The following COL11A1 variants were observed in gnomAD, a reference collection of about 807,000 sequenced individuals.
COL11A1 encodes the protein collagen type XI alpha 1 chain, also known as collagen alpha-1(XI) chain.
Under a neutral mutation model 265.2 loss-of-function variants are expected in COL11A1, and 74 were observed. That is an observed-to-expected ratio of 0.28 (90% confidence interval 0.23 to 0.34). The LOEUF is 0.34. Ranked by LOEUF, COL11A1 falls within the 10% of genes least tolerant of loss-of-function variation. The pLI, the probability that COL11A1 is intolerant of heterozygous loss-of-function variation, is 1.00. For missense variants in COL11A1, 2,165 were observed against 2,263.6 expected (o/e 0.96, Z 0.88); for synonymous variants, 816 against 727.6 (o/e 1.12, Z -1.96).
At position 102,969,071 on chromosome 1, in the gene COL11A1, CTCATACAGAT is replaced by C. The variant is rs1268653177; in HGVS notation, c.2862+1138_2862+1147del. Among the ~76,000 whole-genome samples, 49 of 152,254 alleles carry C rather than the reference CTCATACAGAT, an allele frequency of 3.2e-4. No homozygotes were observed. The South Asian group carries it at 4.6e-3, about 14-fold the overall frequency. The stretch of plus-strand genomic sequence containing the variant: ...TCCTTTAGAAAGTTTATTTCTGCTC[CTCATACAGAT>C]ATCTTTCCCAAGAGGATATCCAAAC... On this transcript the variant is annotated intron_variant, in intron 37 of 66. Coordinates refer to ENST00000370096, the MANE Select transcript of COL11A1 (RefSeq NM_001854.4).
Position 103,003,299 on chromosome 1 carries a change from TAA to T in COL11A1, c.1945-33_1945-32del, listed in dbSNP as rs370445089. On this transcript the variant is annotated intron_variant, in intron 20 of 66. Transcript: ENST00000370096. Reference sequence around the variant, plus strand: ...AGAAAAAGAAAAAGCACGCCTTTATTAAAAAAAAAAAATGTCCTAATAACATG... The same window carrying T: ...AGAAAAAGAAAAAGCACGCCTTTATTAAAAAAAAAATGTCCTAATAACATG... The T allele has an allele frequency of 0.058, 80,218 of 1,394,270 alleles. 1,988 individuals carry two copies. Among genetic ancestry groups the T allele is most frequent in the Middle Eastern group, 0.071 (381 of 5,386 alleles). The allele number at this position is 1,394,270 out of a possible 1,614,324, so 86.4% of individuals were successfully genotyped here. A position where few individuals can be genotyped will look rare whatever the true frequency, so the allele number is the denominator to read the frequency against.
At chr1:103,029,481 G>A (rs940046147) in intron 5 of COL11A1, among the ~76,000 whole-genome samples, 2 of 151,860 alleles carry the variant, frequency 1.3e-5, no homozygotes, top group African/African-American at 2.4e-5. Context: ...TTTGATGCTG[G>A]TATAGATGCT....
At chr1:103,026,416 A>AC in intron 5 of COL11A1, 84 bp from the exon 6 acceptor site, 3 of 876,896 alleles carry the variant, frequency 3.4e-6, no homozygotes, top group Non-Finnish European at 5.9e-6. Context: ...TAACTTTTAC[A>AC]TAGTGTAAAT....
At chr1:102,878,620 C>T (rs1649838674) in intron 66 of COL11A1, among the ~76,000 whole-genome samples, 1 of 150,066 alleles carries the variant, frequency 6.7e-6, no homozygotes, top group Non-Finnish European at 1.5e-5. Context: ...AAGCCATTCT[C>T]CTGCCTCAGT....
At chr1:102,970,359 CT>C (rs1661846171) in intron 36 of COL11A1, 87 bp from the exon 37 acceptor site, 4 of 1,041,466 alleles carry the variant, frequency 3.8e-6, no homozygotes, top group Non-Finnish European at 4.3e-6. Flanking sequence ...ATTTTCTTTT[CT>C]TTTTATATTT....
At position 102,881,751 on chromosome 1, in the gene COL11A1, T is replaced by A. The variant is rs780298913; in HGVS notation, c.4986A>T (p.Ser1662=). 3.6e-5 allele frequency: 58 copies of A among 1,611,922 alleles called. 2 individuals carry two copies. In the South Asian group the frequency reaches 6.4e-4, roughly 18 times the overall value. Residue 1662 remains serine (S), a synonymous_variant, in exon 65 of 67, where the codon TCA becomes TCT. Coordinates refer to ENST00000370096, the MANE Select transcript of COL11A1 (RefSeq NM_001854.4). ...DKKSEGVRIS[S]WPKEKPGSWF... ...AACTTCCTGGTTTCTCCTTTGGCCA[T>A]GATGAAATTCTTACCTGTTGCAAAG...
intron 29 of COL11A1, among the ~76,000 whole-genome samples, chr1:102,988,629 A>C (rs2101744922): frequency 7.6e-6 from 1 of 131,166 alleles, no homozygotes; most frequent in East Asian, 1.9e-4. Context: ...TGACTTAATC[A>C]ATCTTTTCAT....
At chr1:103,038,917 C>T (rs920309653) in intron 4 of COL11A1, among the ~76,000 whole-genome samples, 3 of 151,974 alleles carry the variant, frequency 2.0e-5, no homozygotes, top group African/African-American at 4.8e-5. Flanking sequence ...TGGAGTGAGA[C>T]GAGAATGATA....
intron 4 of COL11A1, among the ~76,000 whole-genome samples, chr1:103,068,491 A>G (rs766946731): frequency 9.9e-5 from 15 of 151,672 alleles, no homozygotes; most frequent in Admixed American, 3.3e-4. Flanking sequence ...CCAACATCAT[A>G]CTTAATGCTG....
chr1:103,012,874 A>G (rs1307556638), intron 13 of COL11A1, among the ~76,000 whole-genome samples: 2 of 152,172 alleles, frequency 1.3e-5, no homozygotes, highest in Non-Finnish European at 2.9e-5. Context: ...TTTAGGAAAA[A>G]TTATGATAAC....
intron 36 of COL11A1, among the ~76,000 whole-genome samples, chr1:102,972,094 A>G (rs1662028815): frequency 6.6e-6 from 1 of 152,198 alleles, no homozygotes; most frequent in Non-Finnish European, 1.5e-5. Context: ...AAAATAGCAA[A>G]TAAAACAATT....
In COL11A1 at chr1:103,108,401, C is replaced by T. The variant is rs915910938; in HGVS notation, c.-223G>A. ...TGAGTTGGCCCCACCGGCCGGGACC[C>T]TCCGGCCGCGACCCTCTGATCCTTC... On this transcript the variant is annotated 5_prime_UTR_variant, in exon 1 of 67. Transcript: ENST00000370096. The T allele has an allele frequency of 8.2e-6, 5 of 612,604 alleles. No homozygotes were observed. Among genetic ancestry groups the T allele is most frequent in the Admixed American group, 2.8e-5 (1 of 36,320 alleles). 37.9% of individuals were successfully genotyped at this position (612,604 alleles called of 1,614,324 possible).
intron 46 of COL11A1, among the ~76,000 whole-genome samples, chr1:102,931,214 T>C (rs1362186568): frequency 6.7e-5 from 10 of 150,242 alleles, no homozygotes; most frequent in Non-Finnish European, 1.5e-4. Context: ...TTTCCTGCTT[T>C]CTCTTGTGGG....
intron 11 of COL11A1, 71 bp downstream of exon 11, chr1:103,017,749 T>A: frequency 6.9e-6 from 9 of 1,309,744 alleles, no homozygotes; most frequent in Non-Finnish European, 1.0e-5. Context: ...GTTATACTTG[T>A]AGAATACATT....
intron 18 of COL11A1, among the ~76,000 whole-genome samples, chr1:103,005,290 T>C (rs1003063923): frequency 6.6e-6 from 1 of 152,158 alleles, no homozygotes; most frequent in Admixed American, 6.5e-5. Flanking sequence ...TTCTGAGAGA[T>C]TGTCTGCATA....
rs184850593 is a variant in COL11A1 at position 103,041,726 on chromosome 1, G to C, written c.652-10482C>G. On this transcript the variant is annotated intron_variant, in intron 4 of 66. Transcript: ENST00000370096. ...ATTCTGAAACAAAAATTATGTTTTG[G>C]TGTCAAATGTGAAAACCTGTTTCCT... Among the ~76,000 whole-genome samples the C allele has an allele frequency of 6.0e-4, 91 of 151,824 alleles. 1 individual carries two copies. The highest frequency in any genetic ancestry group is 1.2e-3 in the Non-Finnish European group (81 of 67,872).
chr1:103,010,567 A>G (rs1164515304), intron 14 of COL11A1, among the ~76,000 whole-genome samples: 7 of 152,180 alleles, frequency 4.6e-5, no homozygotes. Context: ...AGAACTGCTA[A>G]TATAATGTGC....
chr1:102,971,857 T>C (rs1662008535), intron 36 of COL11A1, among the ~76,000 whole-genome samples: 1 of 151,686 alleles, frequency 6.6e-6, no homozygotes, highest in South Asian at 2.1e-4. Context: ...ACTACTGCCA[T>C]CCTCTTCTTC....
intron 4 of COL11A1, among the ~76,000 whole-genome samples, chr1:103,047,051 C>G (rs1312695828): frequency 6.6e-6 from 1 of 152,122 alleles, no homozygotes; most frequent in Non-Finnish European, 1.5e-5. Flanking sequence ...ATGCCTCCAG[C>G]TTTGTTATTT....
Sources: allele counts gnomAD v4.1 joint callset (sites outside exome capture counted in the v4.1 genomes callset), GRCh38; gene constraint gnomAD v4.1.1; transcripts MANE v1.5; gene names NCBI Gene and HGNC (gene_info 2026-07-23, HGNC 2026-07-21).